Variants in LGR6 observed in about 807,000 individuals in gnomAD.
The protein encoded by LGR6 is leucine rich repeat containing G protein-coupled receptor 6.
LGR6 carries 45 observed loss-of-function variants against 69.4 expected under a neutral mutation model. The observed-to-expected ratio is 0.65, with a 90% CI of 0.51 to 0.83. The LOEUF is 0.83. Ranked by LOEUF, LGR6 falls within the 40% of genes least tolerant of loss-of-function variation. The pLI, the probability that LGR6 is intolerant of heterozygous loss-of-function variation, is 0.00. For missense variants in LGR6, 1,108 were observed against 1,246.7 expected, an observed-to-expected ratio of 0.89 and a Z score of 1.68; for synonymous variants, 538 against 555.0, an observed-to-expected ratio of 0.97 and a Z score of 0.43.
chr1:202,203,401 A>G (rs912902561), intron 1 of LGR6, among the ~76,000 whole-genome samples: 4 of 152,164 alleles, frequency 2.6e-5, no homozygotes, highest in Non-Finnish European at 5.9e-5. Flanking sequence ...GAGTGTATGT[A>G]AGCCCCGGTT....
At chr1:202,247,031 G>A (rs1217857849) in intron 4 of LGR6, among the ~76,000 whole-genome samples, 1 of 152,250 alleles carries the variant, frequency 6.6e-6, no homozygotes. Flanking sequence ...TTGAGGTCTA[G>A]TTCCCAAGGC....
At position 202,252,345 on chromosome 1, in the gene LGR6, C is replaced by T. The variant is rs1047099810; in HGVS notation, c.428+16352C>T. Among the ~76,000 whole-genome samples the T allele has an allele frequency of 6.2e-4, 94 of 152,178 alleles. 6 individuals are homozygous for T. Among genetic ancestry groups the T allele is most frequent in the Non-Finnish European group, 5.9e-5 (4 of 68,020 alleles). On this transcript the variant is annotated intron_variant, in intron 4 of 17. Coordinates refer to ENST00000367278, the MANE Select transcript of LGR6 (RefSeq NM_001017403.2). The stretch of plus-strand genomic sequence containing the variant: ...GCATCAATACAGCCCTCTCCTCCTC[C>T]AGGAAGCCCCCCTAGAATAATTCCA...
intron 4 of LGR6, among the ~76,000 whole-genome samples, chr1:202,239,002 G>A (rs1661894579): frequency 6.6e-6 from 1 of 152,104 alleles, no homozygotes; most frequent in Admixed American, 6.5e-5. Flanking sequence ...CCAAAATGGC[G>A]TCAGCCCCAA....
intron 1 of LGR6, among the ~76,000 whole-genome samples, chr1:202,223,874 G>A (rs1283823312): frequency 5.0e-5 from 7 of 138,986 alleles, no homozygotes; most frequent in South Asian, 2.6e-4. Context: ...CTCTCCCACC[G>A]GCCTGTGGGG....
At chr1:202,212,823 C>T (rs1002561994) in intron 1 of LGR6, among the ~76,000 whole-genome samples, 2 of 152,114 alleles carry the variant, frequency 1.3e-5, no homozygotes, top group African/African-American at 4.8e-5. Context: ...ATTCATCCAC[C>T]ACACTTTCCC....
At chr1:202,306,178 T>A (rs1426680416) in intron 12 of LGR6, among the ~76,000 whole-genome samples, 1 of 152,202 alleles carries the variant, frequency 6.6e-6, no homozygotes, top group African/African-American at 2.4e-5. Context: ...TATGTGTGTA[T>A]GTGTTTGCAT....
chr1:202,245,517 C>T lies in LGR6; in HGVS notation c.428+9524C>T, dbSNP rs74136766. ...CACCTCAGCTCAGACTTGTGGGGCT[C>T]CTCAGCCTTCCTGCTAGCCCTCTCT... On this transcript the variant is annotated intron_variant, in intron 4 of 17. Transcript: ENST00000367278. 5.0e-3 allele frequency among the ~76,000 whole-genome samples: 762 copies of T among 152,262 alleles called. 8 individuals carry two copies. The highest frequency in any genetic ancestry group is 0.018 in the African/African-American group (728 of 41,530).
intron 4 of LGR6, among the ~76,000 whole-genome samples, chr1:202,265,960 A>G (rs762844094): frequency 2.0e-5 from 3 of 152,168 alleles, no homozygotes; most frequent in South Asian, 2.1e-4. Flanking sequence ...GCCTTTTACT[A>G]TCTCCCACCT....
chr1:202,197,574 G>A, intron 1 of LGR6: 1 of 416,920 alleles, frequency 2.4e-6, no homozygotes, highest in Non-Finnish European at 4.8e-6. Flanking sequence ...ATGGTGACGA[G>A]AAGGCATGAT....
intron 4 of LGR6, among the ~76,000 whole-genome samples, chr1:202,264,468 A>G (rs1043464376): frequency 2.6e-5 from 4 of 152,200 alleles, no homozygotes; most frequent in African/African-American, 9.6e-5. Flanking sequence ...ACCCTTTGCC[A>G]GGGCAGGCAG....
chr1:202,204,301 C>T (rs1658951088), intron 1 of LGR6, among the ~76,000 whole-genome samples: 1 of 138,370 alleles, frequency 7.2e-6, no homozygotes, highest in Non-Finnish European at 1.6e-5. Flanking sequence ...CCTGCAAACA[C>T]ACACACACCC....
At chr1:202,273,461 GT>G (rs747952963) in intron 4 of LGR6, among the ~76,000 whole-genome samples, 136 of 140,962 alleles carry the variant, frequency 9.6e-4, no homozygotes, top group Middle Eastern at 3.7e-3. Flanking sequence ...GTTTTTTTTT[GT>G]TTTTTTTTTT....
At chr1:202,208,729 G>A (rs1262497390) in intron 1 of LGR6, among the ~76,000 whole-genome samples, 1 of 152,048 alleles carries the variant, frequency 6.6e-6, no homozygotes, top group East Asian at 1.9e-4. Context: ...TGCCTGCCCT[G>A]CCTCCACCTG....
At chr1:202,194,699 T>TGG (rs67586351) in intron 1 of LGR6, 1 of 94,696 alleles carries the variant, frequency 1.1e-5, no homozygotes, top group Non-Finnish European at 2.0e-5. Context: ...GTGGCCTTCG[T>TGG]GGGGGCGGGG....
chr1:202,236,039 C>A (rs1661518618), intron 4 of LGR6, 46 bp downstream of exon 4: 3 of 1,534,554 alleles, frequency 2.0e-6, no homozygotes, highest in Non-Finnish European at 2.7e-6. Flanking sequence ...CTTCCTGGGG[C>A]CTGAGTCACA....
At chr1:202,309,220 G>T in intron 15 of LGR6, 44 bp downstream of exon 15, 1 of 1,607,902 alleles carries the variant, frequency 6.2e-7, no homozygotes, top group South Asian at 1.1e-5. Flanking sequence ...GCCAGCTGGA[G>T]ACCCTGGAGG....
intron 9 of LGR6, 102 bp from the exon 10 acceptor site, chr1:202,303,177 C>T: frequency 1.1e-6 from 1 of 891,188 alleles, no homozygotes; most frequent in Non-Finnish European, 1.9e-6. Flanking sequence ...GACATTGCCC[C>T]CAAAGGAGGA....
chr1:202,248,765 T>C (rs1004902848), intron 4 of LGR6, among the ~76,000 whole-genome samples: 1 of 152,126 alleles, frequency 6.6e-6, no homozygotes, highest in African/African-American at 2.4e-5. Flanking sequence ...AAAGGACAAG[T>C]CCAGCTCTCT....
Position 202,319,041 on chromosome 1 carries a change from AGGGCAGC to A in LGR6, c.2739_2745del (p.Glu913AspfsTer4). 1 of 1,614,106 alleles carries A rather than the reference AGGGCAGC, an allele frequency of 6.2e-7. No homozygotes were observed. The highest frequency in any genetic ancestry group is 8.5e-7 in the Non-Finnish European group (1 of 1,179,988). On this transcript the variant is annotated frameshift_variant, in exon 18 of 18. Transcript: ENST00000367278. LOFTEE classifies it low-confidence loss of function (END_TRUNC). ...CAGCAGCCAGGGGCCCCCAGGCTGG[AGGGCAGC>A]CATTGTGTAGAGCCAGAGGGGAACC...
Sources: gnomAD v4.1 joint callset for allele counts (sites outside exome capture counted in the v4.1 genomes callset) on GRCh38, gnomAD v4.1.1 for gene constraint, MANE v1.5 for transcripts, NCBI Gene and HGNC (gene_info 2026-07-23, HGNC 2026-07-21) for gene names.